BMPR2: variants seen among roughly 807,000 people sequenced by gnomAD.
The protein encoded by BMPR2 is bone morphogenetic protein receptor type 2.
A neutral mutation model predicts 100.8 loss-of-function variants in BMPR2; 29 were observed. The ratio of observed to expected loss-of-function variants is 0.29; its 90% CI spans 0.21 to 0.39. BMPR2 has a LOEUF of 0.39. Among genes scored for constraint, BMPR2 ranks in the 10% least tolerant of loss-of-function variants. The pLI is 1.00. For synonymous variants in BMPR2, 382 were observed against 442.3 expected (o/e 0.86, Z 1.71); for missense variants, 1,011 against 1,274.5 (o/e 0.79, Z 3.15).
chr2:202,465,740 C>T (rs917050536), intron 2 of BMPR2, among the ~76,000 whole-genome samples: 4 of 152,120 alleles, frequency 2.6e-5, no homozygotes, highest in Non-Finnish European at 4.4e-5. Context: ...CGCCTGTAGT[C>T]CCAGCTACAG....
At chr2:202,537,678 A>G (rs538201617) in intron 9 of BMPR2, among the ~76,000 whole-genome samples, 2 of 152,264 alleles carry the variant, frequency 1.3e-5, no homozygotes, top group African/African-American at 4.8e-5. Flanking sequence ...GTTTTATGTT[A>G]TGTATATTCT....
intron 1 of BMPR2, among the ~76,000 whole-genome samples, chr2:202,392,546 T>C (rs777252802): frequency 1.2e-4 from 19 of 152,220 alleles, no homozygotes; most frequent in Non-Finnish European, 2.4e-4. Flanking sequence ...ATATTTTATG[T>C]GTGTCATGGT....
rs56708616 is a variant in BMPR2, at chr2:202,393,882, C to CGAGAGAGAGAGAGAGAGAGAGA, written c.76+16363_76+16384dup. 2.7e-4 allele frequency among the ~76,000 whole-genome samples: 26 copies of CGAGAGAGAGAGAGAGAGAGAGA among 97,924 alleles called. 2 individuals are homozygous for CGAGAGAGAGAGAGAGAGAGAGA. Among genetic ancestry groups the CGAGAGAGAGAGAGAGAGAGAGA allele is most frequent in the Non-Finnish European group, 4.3e-4 (21 of 48,444 alleles). The allele number at this position is 97,924 out of a possible 152,430, so 64.2% of individuals were successfully genotyped here. ...GCATCTAATTAAGGTAATGAGAGAG[C>CGAGAGAGAGAGAGAGAGAGAGA]GAGAGAGAGAGAGAGAGAGAGAGAG... On this transcript the variant is annotated intron_variant, in intron 1 of 12. Coordinates refer to ENST00000374580, the MANE Select transcript of BMPR2 (RefSeq NM_001204.7).
chr2:202,544,918 C>T (rs1027079565), intron 10 of BMPR2, among the ~76,000 whole-genome samples: 1 of 151,784 alleles, frequency 6.6e-6, no homozygotes, highest in Non-Finnish European at 1.5e-5. Context: ...GTGCATACCA[C>T]TTTGCCTGGC....
chr2:202,541,816 T>C (rs879905998), intron 9 of BMPR2, among the ~76,000 whole-genome samples: 7 of 152,162 alleles, frequency 4.6e-5, no homozygotes, highest in Non-Finnish European at 8.8e-5. Flanking sequence ...AAAACATTCA[T>C]TAATAATGCA....
chr2:202,454,362 C>T (rs1375417945), intron 1 of BMPR2, among the ~76,000 whole-genome samples: 2 of 152,184 alleles, frequency 1.3e-5, no homozygotes, highest in African/African-American at 4.8e-5. Context: ...TGAGCCACTG[C>T]ACCCAGCCCT....
intron 9 of BMPR2, among the ~76,000 whole-genome samples, chr2:202,539,758 G>A (rs1688238208): frequency 6.6e-6 from 1 of 151,942 alleles, no homozygotes; most frequent in Non-Finnish European, 1.5e-5. Context: ...TTTGAGAAGG[G>A]AGCTAAAAAA....
In BMPR2 at chr2:202,562,267, C is replaced by T. The variant is rs1434592434; in HGVS notation, c.*2321C>T. ...TTGGGCCAGTTGATTGTAGGTTGTCCAACATTTTTTAATATTGGGAAAATT... is the reference window on the plus strand; with the variant it reads ...TTGGGCCAGTTGATTGTAGGTTGTCTAACATTTTTTAATATTGGGAAAATT... On this transcript the variant is annotated 3_prime_UTR_variant, in exon 13 of 13. Transcript: ENST00000374580. The T allele has an allele frequency of 6.6e-6, 1 of 152,270 alleles. No individual in the cohort carries two copies. The highest frequency in any genetic ancestry group is 1.5e-5 in the Non-Finnish European group (1 of 67,942). 9.4% of individuals were successfully genotyped at this position (152,270 alleles called of 1,614,324 possible). A position where few individuals can be genotyped will look rare whatever the true frequency, so the allele number is the denominator to read the frequency against.
At chr2:202,414,937 G>A (rs1691093417) in intron 1 of BMPR2, among the ~76,000 whole-genome samples, 2 of 151,712 alleles carry the variant, frequency 1.3e-5, no homozygotes, top group Non-Finnish European at 2.9e-5. Context: ...ATGGGGTTTC[G>A]CCACATTGTC....
rs545858304 is a variant in BMPR2 at position 202,495,690 on chromosome 2, G to T, written c.419-18029G>T. Among the ~76,000 whole-genome samples, 4 of 152,104 alleles carry T rather than the reference G, an allele frequency of 2.6e-5. No homozygotes were observed. Among genetic ancestry groups the T allele is most frequent in the Admixed American group, 2.0e-4 (3 of 15,268 alleles). On this transcript the variant is annotated intron_variant, in intron 3 of 12. Coordinates refer to ENST00000374580, the MANE Select transcript of BMPR2 (RefSeq NM_001204.7). The surrounding 1 kb of genome is among the most constrained non-coding windows in gnomAD (Gnocchi z 4.5). ...ACCCATTACTTACCTCCCCACTTCCGTGTCATTTAAGGAGGGCACACTGTT... is the reference window on the plus strand; with the variant it reads ...ACCCATTACTTACCTCCCCACTTCCTTGTCATTTAAGGAGGGCACACTGTT...
At position 202,447,646 on chromosome 2, in the gene BMPR2, C is replaced by T. The variant is rs977146278; in HGVS notation, c.77-17163C>T. ...AGTGAGCTGTGATTGCACCATTGCACTCCAGCTTGGGTGACAGAGCAAGAC... is the reference window on the plus strand; with the variant it reads ...AGTGAGCTGTGATTGCACCATTGCATTCCAGCTTGGGTGACAGAGCAAGAC... On this transcript the variant is annotated intron_variant, in intron 1 of 12. Transcript: ENST00000374580. 2.7e-5 allele frequency among the ~76,000 whole-genome samples: 4 copies of T among 150,786 alleles called. 1 individual carries two copies. The highest frequency in any genetic ancestry group is 1.0e-4 in the African/African-American group (4 of 40,068).
At chr2:202,407,124 G>A (rs557336486) in intron 1 of BMPR2, among the ~76,000 whole-genome samples, 1 of 150,920 alleles carries the variant, frequency 6.6e-6, no homozygotes, top group Admixed American at 6.6e-5. Context: ...TTTTTTTTGA[G>A]TAGAGACAGG....
intron 3 of BMPR2, among the ~76,000 whole-genome samples, chr2:202,492,118 A>AT (rs1048212838): frequency 4.6e-5 from 7 of 152,192 alleles, no homozygotes; most frequent in African/African-American, 1.7e-4. Context: ...AGTGATAGTA[A>AT]TACTATTAAG....
intron 1 of BMPR2, among the ~76,000 whole-genome samples, chr2:202,420,684 C>A (rs1343084640): frequency 6.6e-6 from 1 of 151,148 alleles, no homozygotes; most frequent in African/African-American, 2.4e-5. Flanking sequence ...GTAGCTGGGA[C>A]CACAGGTGCA....
chr2:202,492,580 A>C (rs1319916467), intron 3 of BMPR2, among the ~76,000 whole-genome samples: 2 of 151,508 alleles, frequency 1.3e-5, no homozygotes, highest in Non-Finnish European at 2.9e-5. Flanking sequence ...GGCACCTCTA[A>C]TCCCAGCTAC....
intron 10 of BMPR2, among the ~76,000 whole-genome samples, chr2:202,544,475 G>T (rs954040790): frequency 6.6e-6 from 1 of 152,064 alleles, no homozygotes; most frequent in African/African-American, 2.4e-5. Context: ...TCATTCTCTA[G>T]CCTACAATCT....
intron 10 of BMPR2, among the ~76,000 whole-genome samples, chr2:202,542,976 C>T (rs3959829): frequency 0.17 from 25,387 of 151,258 alleles, 2,453 homozygotes; most frequent in Middle Eastern, 0.24. Flanking sequence ...CAGGAGTTCG[C>T]GACCAGCCTG....
intron 2 of BMPR2, among the ~76,000 whole-genome samples, chr2:202,466,468 G>A (rs2105961266): frequency 6.6e-6 from 1 of 152,042 alleles, no homozygotes; most frequent in Non-Finnish European, 1.5e-5. Context: ...TGTATTCTTA[G>A]TGGAGATAGA....
intron 1 of BMPR2, among the ~76,000 whole-genome samples, chr2:202,406,390 C>G (rs893683801): frequency 6.6e-5 from 10 of 152,164 alleles, no homozygotes; most frequent in South Asian, 2.1e-4. Context: ...TTTGAGAACC[C>G]TGGCTAGTCC....
Sources: gnomAD v4.1 joint callset for allele counts (sites outside exome capture counted in the v4.1 genomes callset) on GRCh38, gnomAD v4.1.1 for gene constraint, Gnocchi (gnomAD v3.1) non-coding constraint, MANE v1.5 for transcripts, NCBI Gene and HGNC (gene_info 2026-07-23, HGNC 2026-07-21) for gene names.